Variants in SAMD12 observed in about 807,000 individuals in gnomAD.
The protein encoded by SAMD12 is sterile alpha motif domain-containing protein 12.
A neutral mutation model predicts 15.0 loss-of-function variants in SAMD12; 9 were observed. That is an observed-to-expected ratio of 0.60 (90% CI 0.36 to 1.05). The LOEUF (loss-of-function observed/expected upper bound fraction) is 1.05. Ranked by LOEUF, SAMD12 falls within the 50% of genes least tolerant of loss-of-function variation. SAMD12 has a pLI of 0.01. For synonymous variants in SAMD12, 86 were observed against 90.1 expected, an observed-to-expected ratio of 0.96 and a Z score of 0.25; for missense variants, 230 against 234.2, an observed-to-expected ratio of 0.98 and a Z score of 0.12.
chr8:118,285,907 G>A (rs1161591974), intron 4 of SAMD12, among the ~76,000 whole-genome samples: 3 of 152,126 alleles, frequency 2.0e-5, no homozygotes, highest in African/African-American at 4.8e-5. Context: ...TAAGTGCCTT[G>A]CTGAGCCTGG....
At chr8:118,549,210 C>T (rs1003454231) in intron 2 of SAMD12, among the ~76,000 whole-genome samples, 19 of 152,354 alleles carry the variant, frequency 1.2e-4, no homozygotes, top group African/African-American at 1.9e-4. Context: ...GATCTGAGAA[C>T]GGGCAGACTG....
intron 3 of SAMD12, among the ~76,000 whole-genome samples, chr8:118,423,381 G>A (rs1451980680): frequency 6.6e-6 from 1 of 152,164 alleles, no homozygotes; most frequent in African/African-American, 2.4e-5. Context: ...GTGAGTCCAT[G>A]GCTCACAGGA....
chr8:118,155,364 G>C, the SAMD12 span, among the ~76,000 whole-genome samples: 5 of 152,076 alleles, frequency 3.3e-5, no homozygotes, highest in Admixed American at 6.5e-5. Context: ...AGTGTTTTTG[G>C]GGGGGTGGGC....
At chr8:118,261,883 C>T (rs1813085721) in intron 4 of SAMD12, among the ~76,000 whole-genome samples, 1 of 151,176 alleles carries the variant, frequency 6.6e-6, no homozygotes. Flanking sequence ...TTTAAATTGA[C>T]ATCTTTTTTT....
chr8:118,338,671 A>C (rs992931329), intron 4 of SAMD12, among the ~76,000 whole-genome samples: 1 of 152,172 alleles, frequency 6.6e-6, no homozygotes, highest in Non-Finnish European at 1.5e-5. Context: ...CAGCAAATTA[A>C]CTACTGGTTA....
the SAMD12 span, among the ~76,000 whole-genome samples, chr8:118,148,811 A>C: frequency 6.6e-6 from 1 of 152,146 alleles, no homozygotes; most frequent in African/African-American, 2.4e-5. Flanking sequence ...TTCTTGTTTC[A>C]CTTAGCATAA....
At chr8:118,495,683 A>G (rs1191279189) in intron 2 of SAMD12, among the ~76,000 whole-genome samples, 1 of 152,050 alleles carries the variant, frequency 6.6e-6, no homozygotes, top group Non-Finnish European at 1.5e-5. Context: ...AGTTTCCTCA[A>G]CTGTAAAATG....
At chr8:118,426,214 G>A (rs961593493) in intron 3 of SAMD12, among the ~76,000 whole-genome samples, 2 of 152,166 alleles carry the variant, frequency 1.3e-5, no homozygotes, top group Non-Finnish European at 2.9e-5. Flanking sequence ...TGATGTGCTA[G>A]GCACTGTTCT....
At chr8:118,213,470 T>C (rs1395055904) in intron 4 of SAMD12, among the ~76,000 whole-genome samples, 1 of 152,270 alleles carries the variant, frequency 6.6e-6, no homozygotes, top group African/African-American at 2.4e-5. Context: ...GCCAACTGCC[T>C]GTGCTAACAT....
At chr8:118,180,197 G>T in the SAMD12 span, among the ~76,000 whole-genome samples, 1 of 152,218 alleles carries the variant, frequency 6.6e-6, no homozygotes, top group African/African-American at 2.4e-5. Context: ...CCTAGGATCA[G>T]CTGGAGAACT....
At chr8:118,539,308 T>G (rs1398331061) in intron 2 of SAMD12, among the ~76,000 whole-genome samples, 1 of 152,190 alleles carries the variant, frequency 6.6e-6, no homozygotes, top group Non-Finnish European at 1.5e-5. Context: ...AAATTGACAC[T>G]TTCGCTAAAG....
intron 3 of SAMD12, among the ~76,000 whole-genome samples, chr8:118,390,709 C>T (rs1336289083): frequency 3.9e-5 from 6 of 152,106 alleles, no homozygotes; most frequent in African/African-American, 7.2e-5. Context: ...CGCTGCCCAC[C>T]GTCAAGTCCG....
chr8:118,423,163 G>T (rs1191302800), intron 3 of SAMD12, among the ~76,000 whole-genome samples: 1 of 152,134 alleles, frequency 6.6e-6, no homozygotes, highest in Non-Finnish European at 1.5e-5. Context: ...TCATTAAAGG[G>T]TATTGAATGA....
At chr8:118,135,915 A>G in the SAMD12 span, among the ~76,000 whole-genome samples, 1 of 151,474 alleles carries the variant, frequency 6.6e-6, no homozygotes, top group Non-Finnish European at 1.5e-5. Context: ...TCCTTTCCAC[A>G]TCTCCTTCCA....
intron 4 of SAMD12, among the ~76,000 whole-genome samples, chr8:118,348,553 T>C (rs1300433314): frequency 1.3e-5 from 2 of 152,044 alleles, no homozygotes; most frequent in African/African-American, 4.8e-5. Context: ...TTTGTGTTTT[T>C]AGTAGAGACG....
At chr8:118,259,155 G>A (rs6986828) in intron 4 of SAMD12, among the ~76,000 whole-genome samples, 68 of 152,088 alleles carry the variant, frequency 4.5e-4, no homozygotes, top group African/African-American at 1.6e-3. Flanking sequence ...TAGAGATGTA[G>A]GCAAATCATT....
At chr8:118,550,785 T>G (rs1418385110) in intron 2 of SAMD12, among the ~76,000 whole-genome samples, 1 of 151,222 alleles carries the variant, frequency 6.6e-6, no homozygotes, top group Admixed American at 6.6e-5. Flanking sequence ...AGGAAACCCA[T>G]CTCACATGCA....
chr8:118,238,141 T>C (rs1042344291), intron 4 of SAMD12, among the ~76,000 whole-genome samples: 2 of 152,150 alleles, frequency 1.3e-5, no homozygotes, highest in African/African-American at 4.8e-5. Context: ...AGCTTCTGTT[T>C]CCTCATCTAT....
At chr8:118,546,715 C>T (rs1411671324) in intron 2 of SAMD12, among the ~76,000 whole-genome samples, 1 of 152,142 alleles carries the variant, frequency 6.6e-6, no homozygotes, top group Non-Finnish European at 1.5e-5. Context: ...CAACTTGTTA[C>T]ATTTGGGAAT....
Sources: allele counts gnomAD v4.1 joint callset (sites outside exome capture counted in the v4.1 genomes callset), GRCh38; gene constraint gnomAD v4.1.1; transcripts MANE v1.5; gene names NCBI Gene and HGNC (gene_info 2026-07-23, HGNC 2026-07-21).